The following ZNF718 variants were observed in gnomAD, a reference collection of about 807,000 sequenced individuals.
ZNF718 encodes zinc finger protein 718.
ZNF718 carries 3 observed loss-of-function variants against 2.6 expected under a neutral mutation model. That is an observed-to-expected ratio of 1.16 (90% CI 0.53 to 3.01). ZNF718 has a LOEUF of 3.01. ZNF718 is among the 30% of genes most tolerant of loss of function. The pLI, the probability that ZNF718 is intolerant of heterozygous loss-of-function variation, is 0.03. For missense variants in ZNF718, 468 were observed against 230.0 expected, an observed-to-expected ratio of 2.03 and a Z score of -6.69; for synonymous variants, 135 against 77.9, an observed-to-expected ratio of 1.73 and a Z score of -3.86.
chr4:170,999 G>C (rs1553817857), intron 3 of ZNF718, among the ~76,000 whole-genome samples: 2 of 152,098 alleles, frequency 1.3e-5, no homozygotes, highest in African/African-American at 4.8e-5. Flanking sequence ...GGTCTTTGAT[G>C]ATGGTGATGT....
intron 3 of ZNF718, among the ~76,000 whole-genome samples, chr4:183,535 C>G (rs966221369): frequency 9.2e-5 from 14 of 152,184 alleles, no homozygotes; most frequent in African/African-American, 3.4e-4. Flanking sequence ...TAGTTCTGTG[C>G]AGAATGTCAA....
At position 162,112 on chromosome 4, in the gene ZNF718, G is replaced by T; in HGVS notation, c.1427G>T (p.Gly476Val). Reference protein sequence around the residue: ...LPQHKRTHTGGKF With the variant: ...LPQHKRTHTGVKF ...CAACATAAGAGAACTCATACTGGAG[G>T]AAAATTTTAGAAATGTGAAGAATGT... Residue 476 changes from glycine to valine, a missense_variant, in exon 4 of 4, where the codon GGA becomes GTA. Coordinates refer to ENST00000510175, the MANE Select transcript of ZNF718 (RefSeq NM_001039127.6). 2.8e-6 allele frequency: 2 copies of T among 727,030 alleles called. No individual in the cohort carries two copies. The highest frequency in any genetic ancestry group is 3.0e-5 in the South Asian group (2 of 65,978). The allele number at this position is 727,030 out of a possible 1,614,324, so 45.0% of individuals were successfully genotyped here.
chr4:146,076 T>C (rs1320677940), intron 3 of ZNF718, among the ~76,000 whole-genome samples: 1 of 80,638 alleles, frequency 1.2e-5, no homozygotes, highest in Admixed American at 1.7e-4. Context: ...GATATAGCCT[T>C]CTATATATAT....
intron 3 of ZNF718, among the ~76,000 whole-genome samples, chr4:175,644 T>C (rs781932302): frequency 3.3e-5 from 5 of 152,192 alleles, no homozygotes; most frequent in Non-Finnish European, 7.3e-5. Context: ...TATTTTACTT[T>C]TGGTTGCTTT....
rs1553815260 is a variant in ZNF718 at position 161,629 on chromosome 4, A to G, written c.944A>G (p.Glu315Gly). ...HAGEKPFSCE[E>G]CGNVFTTSSD... is the part of the protein sequence containing the mutation. ...GGAGAGAAACCCTTCTCATGCGAAGAATGTGGCAATGTCTTTACCACATCC... is the reference window on the plus strand; with the variant it reads ...GGAGAGAAACCCTTCTCATGCGAAGGATGTGGCAATGTCTTTACCACATCC... Residue 315 changes from glutamate to glycine, a missense_variant, in exon 4 of 4, where the codon GAA (glutamate) becomes GGA (glycine). By Grantham distance (98) the Glu-to-Gly change is moderately conservative. Transcript: ENST00000510175. The G allele has an allele frequency of 1.3e-6, 1 of 780,350 alleles. No homozygotes were observed. 48.3% of individuals were successfully genotyped at this position (780,350 alleles called of 1,614,324 possible).
At position 169,838 on chromosome 4, in the gene ZNF718, C is replaced by T. The variant is rs1256346994; in HGVS notation, c.227-31243C>T. The stretch of plus-strand genomic sequence containing the variant: ...TGTGTCTTTTAATTGGAGTATTTAG[C>T]CCATTTACATTTAAGGTTAATATTG... On this transcript the variant is annotated intron_variant and NMD_transcript_variant, in intron 3 of 4. Transcript: ENST00000642529. Among the ~76,000 whole-genome samples the T allele has an allele frequency of 4.6e-5, 7 of 152,074 alleles. No homozygotes were observed. In the East Asian group the frequency reaches 1.4e-3, roughly 29 times the overall value.
rs1553815767 is a variant in ZNF718 at position 162,384 on chromosome 4, C to G, written c.*262C>G. The G allele has an allele frequency of 1.2e-5, 4 of 336,654 alleles. No homozygotes were observed. Among genetic ancestry groups the G allele is most frequent in the African/African-American group, 2.1e-5 (1 of 47,580 alleles). The allele number at this position is 336,654 out of a possible 1,614,324, so 20.9% of individuals were successfully genotyped here. The stretch of plus-strand genomic sequence containing the variant: ...AGGAATATTAAAAGTGTGGCAAAAC[C>G]TTTAACCAATGCTCATATCTCTTTG... On this transcript the variant is annotated 3_prime_UTR_variant, in exon 4 of 4. Coordinates refer to ENST00000510175, the MANE Select transcript of ZNF718 (RefSeq NM_001039127.6).
chr4:171,545 G>C (rs1159115591), intron 3 of ZNF718, among the ~76,000 whole-genome samples: 2 of 152,090 alleles, frequency 1.3e-5, no homozygotes, highest in Non-Finnish European at 2.9e-5. Flanking sequence ...CGGCAATGGT[G>C]GGCGCCCCTC....
chr4:124,592 C>T lies in ZNF718; in HGVS notation c.-79C>T. On this transcript the variant is annotated 5_prime_UTR_variant, in exon 1 of 4. Coordinates refer to ENST00000510175, the MANE Select transcript of ZNF718 (RefSeq NM_001039127.6). ...GAAGCCTCGGTGATTCTGCCACAGCCTCAGCCTCTGTGGCTCTGTGACCTG... is the reference window on the plus strand; with the variant it reads ...GAAGCCTCGGTGATTCTGCCACAGCTTCAGCCTCTGTGGCTCTGTGACCTG... The T allele has an allele frequency of 3.2e-6, 5 of 1,580,542 alleles. No individual in the cohort carries two copies. Among genetic ancestry groups the T allele is most frequent in the Non-Finnish European group, 4.3e-6 (5 of 1,161,362 alleles).
intron 3 of ZNF718, among the ~76,000 whole-genome samples, chr4:172,230 C>T (rs756523156): frequency 1.3e-5 from 2 of 152,058 alleles, no homozygotes; most frequent in Admixed American, 6.5e-5. Context: ...AGCATTTTGC[C>T]GTCTGGCTTA....
At chr4:201,783 T>G (rs1370312948) in exon 5 of ZNF718, 1 of 188,268 alleles carries the variant, frequency 5.3e-6, no homozygotes, top group Non-Finnish European at 1.2e-5. Flanking sequence ...TCCATGCCAC[T>G]GGTCTCCATT....
intron 3 of ZNF718, among the ~76,000 whole-genome samples, chr4:180,444 G>A (rs1553819669): frequency 6.6e-6 from 1 of 152,174 alleles, no homozygotes; most frequent in Non-Finnish European, 1.5e-5. Context: ...AAAGGAGCCA[G>A]GGATCTCAGT....
intron 3 of ZNF718, among the ~76,000 whole-genome samples, chr4:183,206 T>C (rs374453493): frequency 6.6e-6 from 1 of 152,174 alleles, no homozygotes; most frequent in African/African-American, 2.4e-5. Flanking sequence ...TCAGTTTCAG[T>C]TTTCTGCATA....
chr4:155,534 G>A (rs1255382473), intron 3 of ZNF718, among the ~76,000 whole-genome samples: 3 of 152,198 alleles, frequency 2.0e-5, no homozygotes, highest in African/African-American at 7.2e-5. Context: ...TGACTGCCTT[G>A]CTGAATTTTG....
intron 3 of ZNF718, among the ~76,000 whole-genome samples, chr4:190,354 C>T (rs1436082330): frequency 6.7e-5 from 10 of 149,154 alleles, no homozygotes; most frequent in African/African-American, 9.9e-5. Context: ...GGTGTGGACC[C>T]GGGAAGTGGA....
chr4:177,897 A>C (rs1717382451), intron 3 of ZNF718, among the ~76,000 whole-genome samples: 1 of 152,126 alleles, frequency 6.6e-6, no homozygotes, highest in Admixed American at 6.6e-5. Context: ...GAGCAGAAAA[A>C]AAAAGCCCCT....
At chr4:165,311 A>C (rs1717061741), downstream of ZNF718, among the ~76,000 whole-genome samples, 1 of 152,208 alleles carries the variant, frequency 6.6e-6, no homozygotes, top group African/African-American at 2.4e-5. Flanking sequence ...TACTGTTCAC[A>C]TGTAAAAGGA....
At chr4:177,130 C>A (rs1272833507) in intron 3 of ZNF718, among the ~76,000 whole-genome samples, 1 of 152,150 alleles carries the variant, frequency 6.6e-6, no homozygotes, top group African/African-American at 2.4e-5. Context: ...AATTTCCTTC[C>A]ACAATGAGCT....
intron 3 of ZNF718, among the ~76,000 whole-genome samples, chr4:157,922 G>T (rs1322650369): frequency 6.6e-6 from 1 of 151,978 alleles, no homozygotes; most frequent in African/African-American, 2.4e-5. Flanking sequence ...TACAGAAATT[G>T]GGGTATCAAA....
Sources: allele counts gnomAD v4.1 joint callset (sites outside exome capture counted in the v4.1 genomes callset), GRCh38; gene constraint gnomAD v4.1.1; transcripts MANE v1.5; gene names NCBI Gene and HGNC (gene_info 2026-07-23, HGNC 2026-07-21).